Variants in SPAST observed in about 807,000 individuals in gnomAD.
SPAST encodes spastin, also known as spastic paraplegia 4 (autosomal dominant; spastin).
Under a neutral mutation model 76.6 loss-of-function variants are expected in SPAST, and 30 were observed. The observed-to-expected ratio is 0.39, with a 90% confidence interval of 0.29 to 0.53. SPAST has a LOEUF of 0.53. Ranked by LOEUF, SPAST falls within the 20% of genes least tolerant of loss-of-function variation. The pLI is 0.68. For synonymous variants in SPAST, 305 were observed against 281.0 expected, an observed-to-expected ratio of 1.09 and a Z score of -0.86; for missense variants, 717 against 770.5, an observed-to-expected ratio of 0.93 and a Z score of 0.82.
chr2:32,091,306 A>G (rs1677708278), intron 3 of SPAST, among the ~76,000 whole-genome samples: 1 of 144,838 alleles, frequency 6.9e-6, no homozygotes. Flanking sequence ...TTCGAGATGG[A>G]GTCTTGCTTT....
At chr2:32,144,040 A>G (rs1235249242) in intron 14 of SPAST, among the ~76,000 whole-genome samples, 1 of 152,188 alleles carries the variant, frequency 6.6e-6, no homozygotes, top group African/African-American at 2.4e-5. Context: ...GAACAGTGTG[A>G]AGTAGAAACT....
At chr2:32,095,845 C>G (rs988547835) in intron 3 of SPAST, among the ~76,000 whole-genome samples, 10 of 152,022 alleles carry the variant, frequency 6.6e-5, no homozygotes, top group Non-Finnish European at 7.4e-5. Flanking sequence ...GGGGAGGGTA[C>G]AGGTTGAGAC....
intron 7 of SPAST, chr2:32,126,521 G>C (rs1262144957): frequency 9.1e-6 from 1 of 109,510 alleles, no homozygotes; most frequent in African/African-American, 3.5e-5. Context: ...CACTTTGTCA[G>C]CCAGGCTGGA....
intron 1 of SPAST, among the ~76,000 whole-genome samples, chr2:32,077,522 A>G (rs1677013633): frequency 6.6e-6 from 1 of 152,212 alleles, no homozygotes; most frequent in Admixed American, 6.5e-5. Flanking sequence ...AGAGTTAGGT[A>G]AAAGAAATAC....
In SPAST at chr2:32,154,603, T is replaced by C; in HGVS notation, c.*107T>C. 8.7e-7 allele frequency: 1 copy of C among 1,143,392 alleles called. No individual in the cohort carries two copies. Among genetic ancestry groups the C allele is most frequent in the Non-Finnish European group, 1.3e-6 (1 of 767,420 alleles). The allele number at this position is 1,143,392 out of a possible 1,614,324, so 70.8% of individuals were successfully genotyped here. A position where few individuals can be genotyped will look rare whatever the true frequency, so the allele number is the denominator to read the frequency against. On this transcript the variant is annotated 3_prime_UTR_variant, in exon 17 of 17. Coordinates refer to ENST00000315285, the MANE Select transcript of SPAST (RefSeq NM_014946.4). ...AACAGCCTAAGTTTACAGGACTTTT[T>C]AGAGTCTTACATATTTGTGCACCAA...
intron 4 of SPAST, among the ~76,000 whole-genome samples, chr2:32,111,746 C>T (rs934862682): frequency 1.3e-5 from 2 of 151,074 alleles, no homozygotes; most frequent in Admixed American, 1.3e-4. Context: ...AACTCTTAGT[C>T]TTTCCAGTGT....
intron 3 of SPAST, among the ~76,000 whole-genome samples, chr2:32,093,759 A>G (rs1239801382): frequency 3.3e-5 from 5 of 152,190 alleles, no homozygotes; most frequent in Non-Finnish European, 5.9e-5. Context: ...AACCCTTGGC[A>G]CTATACCTGA....
At chr2:32,084,052 T>G (rs1345351307) in intron 1 of SPAST, among the ~76,000 whole-genome samples, 1 of 151,666 alleles carries the variant, frequency 6.6e-6, no homozygotes, top group East Asian at 1.9e-4. Flanking sequence ...AGTGCTGGGA[T>G]TACAGGCATG....
chr2:32,073,081 T>TTTG (rs34899667), intron 1 of SPAST, among the ~76,000 whole-genome samples: 62,857 of 151,872 alleles, frequency 0.41, 13,283 homozygotes, highest in East Asian at 0.64. Context: ...TTTTAGCTGG[T>TTTG]TTGTTGTTGT....
At chr2:32,072,839 A>G (rs1278892821) in intron 1 of SPAST, among the ~76,000 whole-genome samples, 1 of 152,242 alleles carries the variant, frequency 6.6e-6, no homozygotes, top group Admixed American at 6.5e-5. Flanking sequence ...GATTAATTTC[A>G]GACTTGCTTT....
At chr2:32,109,000 G>C (rs112159837) in intron 4 of SPAST, among the ~76,000 whole-genome samples, 1 of 151,468 alleles carries the variant, frequency 6.6e-6, no homozygotes, top group Non-Finnish European at 1.5e-5. Flanking sequence ...TCCTGACCTC[G>C]ATCCACCTGC....
Position 32,067,357 on chromosome 2 carries a change from C to T in SPAST, c.415+3111C>T, listed in dbSNP as rs995403396. Among the ~76,000 whole-genome samples the T allele has an allele frequency of 4.6e-5, 7 of 151,952 alleles. No homozygotes were observed. The East Asian group carries it at 7.7e-4, about 17-fold the overall frequency. Reference sequence around the variant, plus strand: ...GATTACAGGTGTGAGCCGCGGTGACCGACCACAAGGAAATTTTAGTTAACA... The same window carrying T: ...GATTACAGGTGTGAGCCGCGGTGACTGACCACAAGGAAATTTTAGTTAACA... On this transcript the variant is annotated intron_variant, in intron 1 of 16. Coordinates refer to ENST00000315285, the MANE Select transcript of SPAST (RefSeq NM_014946.4).
At chr2:32,138,708 T>C (rs1196120454) in intron 12 of SPAST, among the ~76,000 whole-genome samples, 1 of 152,232 alleles carries the variant, frequency 6.6e-6, no homozygotes, top group Non-Finnish European at 1.5e-5. Flanking sequence ...GCAATTGTGT[T>C]TGGGGACTTA....
intron 1 of SPAST, among the ~76,000 whole-genome samples, chr2:32,086,400 A>C (rs994362776): frequency 6.6e-6 from 1 of 151,520 alleles, no homozygotes. Context: ...CAGGAGTTGG[A>C]GGGTGCAGTG....
intron 4 of SPAST, 79 bp from the exon 5 acceptor site, chr2:32,114,559 T>G: frequency 9.3e-7 from 1 of 1,073,732 alleles, no homozygotes; most frequent in Non-Finnish European, 1.4e-6. Context: ...TATTATTACC[T>G]TGGTTTTACA....
rs564738351 is a variant in SPAST, at chr2:32,091,976, C to G, written c.586+2371C>G. Among the ~76,000 whole-genome samples, 4 of 152,150 alleles carry G rather than the reference C, an allele frequency of 2.6e-5. No individual in the cohort carries two copies. The South Asian group carries it at 8.3e-4, about 32-fold the overall frequency. On this transcript the variant is annotated intron_variant, in intron 3 of 16. Coordinates refer to ENST00000315285, the MANE Select transcript of SPAST (RefSeq NM_014946.4). Reference sequence around the variant, plus strand: ...TTTGACCATTGAATTATTAAAGGAACCTAAACCATAGTAGTAAGTGCTTTA... The same window carrying G: ...TTTGACCATTGAATTATTAAAGGAAGCTAAACCATAGTAGTAAGTGCTTTA...
In SPAST at chr2:32,156,918, A is replaced by T. The variant is rs993146241; in HGVS notation, c.*2422A>T. The T allele has an allele frequency of 6.6e-6, 1 of 152,214 alleles. No homozygotes were observed. The highest frequency in any genetic ancestry group is 2.4e-5 in the African/African-American group (1 of 41,452). 9.4% of individuals were successfully genotyped at this position (152,214 alleles called of 1,614,324 possible). A position where few individuals can be genotyped will look rare whatever the true frequency, so the allele number is the denominator to read the frequency against. ...GTCTGAACTTCAGCTAGTGCTAGAG[A>T]ACTATTTTCTATGACTTAACTCTAA... On this transcript the variant is annotated 3_prime_UTR_variant, in exon 17 of 17. Transcript: ENST00000315285.
chr2:32,068,895 A>G (rs79244802), intron 1 of SPAST, among the ~76,000 whole-genome samples: 3 of 145,004 alleles, frequency 2.1e-5, no homozygotes, highest in Non-Finnish European at 3.1e-5. Context: ...GACTCCATCA[A>G]AAAAAAAAAA....
intron 1 of SPAST, among the ~76,000 whole-genome samples, chr2:32,080,289 A>G (rs1394277508): frequency 6.6e-6 from 1 of 152,010 alleles, no homozygotes; most frequent in Admixed American, 6.6e-5. Flanking sequence ...ATGTTTATCA[A>G]TTTTGTAAAC....
Sources: gnomAD v4.1 joint callset for allele counts (sites outside exome capture counted in the v4.1 genomes callset) on GRCh38, gnomAD v4.1.1 for gene constraint, MANE v1.5 for transcripts, NCBI Gene and HGNC (gene_info 2026-07-23, HGNC 2026-07-21) for gene names.